Variants in TMEM156 observed in about 807,000 individuals in gnomAD.
TMEM156 encodes transmembrane protein 156.
Under a neutral mutation model 30.5 loss-of-function variants are expected in TMEM156, and 28 were observed. The ratio of observed to expected loss-of-function variants is 0.92; its 90% confidence interval spans 0.68 to 1.26. The LOEUF (loss-of-function observed/expected upper bound fraction) is 1.26. Among genes scored for constraint, TMEM156 ranks in the 50% most tolerant of loss-of-function variants. TMEM156 has a pLI of 0.00. For missense variants in TMEM156, 351 were observed against 340.6 expected (o/e 1.03, Z -0.24); for synonymous variants, 137 against 119.9 (o/e 1.14, Z -0.93).
intron 5 of TMEM156, among the ~76,000 whole-genome samples, chr4:38,971,668 G>T (rs1019474579): frequency 1.3e-5 from 2 of 152,044 alleles, no homozygotes; most frequent in African/African-American, 2.4e-5. Flanking sequence ...ATGACATCTC[G>T]TTCATTCTCC....
intron 1 of TMEM156, among the ~76,000 whole-genome samples, chr4:39,001,193 AC>A (rs1713323151): frequency 7.1e-6 from 1 of 140,568 alleles, no homozygotes. Flanking sequence ...ACACAGTGAA[AC>A]CCCATCTCTA....
chr4:38,992,762 AT>A (rs202114913), intron 3 of TMEM156, among the ~76,000 whole-genome samples: 5,296 of 95,560 alleles, frequency 0.055, 170 homozygotes, highest in Admixed American at 0.14. Flanking sequence ...ATATATATAT[AT>A]TTTTTTTTGT....
chr4:38,986,280 C>T, intron 5 of TMEM156, 56 bp downstream of exon 5: 4 of 1,232,024 alleles, frequency 3.2e-6, no homozygotes, highest in Non-Finnish European at 3.6e-6. Context: ...TGTAGTGAAA[C>T]CATGCAGCTT....
chr4:39,032,301 C>G lies in TMEM156; in HGVS notation c.13G>C (p.Ala5Pro). Residue 5 changes from alanine (A) to proline (P), a missense_variant, in exon 1 of 7, where the codon GCC (alanine) becomes CCC (proline). By Grantham distance (27) the Ala-to-Pro change is conservative. Transcript: ENST00000381938. MTKT[A>P]LLKLFVAIVI... ...ATTGCCACAAATAATTTAAGGAGGG[C>G]TGTTTTTGTCATGTCTCTTCACATG... 1.9e-6 allele frequency: 3 copies of G among 1,606,796 alleles called. No individual in the cohort carries two copies. The highest frequency in any genetic ancestry group is 1.7e-6 in the Non-Finnish European group (2 of 1,175,322).
chr4:38,967,827 C>T (rs1415047595), intron 6 of TMEM156, among the ~76,000 whole-genome samples, 186 bp from the exon 7 acceptor site: 3 of 152,248 alleles, frequency 2.0e-5, no homozygotes, highest in Admixed American at 2.0e-4. Context: ...CCGCCTCAGC[C>T]TCCCAAAGTA....
rs142111433 is a variant in TMEM156, at chr4:39,011,577, C to G, written c.89-12668G>C. On this transcript the variant is annotated intron_variant, in intron 1 of 6. Transcript: ENST00000381938. ...AATCACGAGGTCAGGAGTTCAAGAC[C>G]AGTCTGGCCAAGATGGTGAAACCCC... Among the ~76,000 whole-genome samples the G allele has an allele frequency of 3.7e-3, 567 of 152,194 alleles. 3 individuals are homozygous for G. The highest frequency in any genetic ancestry group is 0.013 in the African/African-American group (551 of 41,532).
chr4:38,999,463 T>C (rs1159510174), intron 1 of TMEM156, among the ~76,000 whole-genome samples: 1 of 120,170 alleles, frequency 8.3e-6, no homozygotes, highest in Non-Finnish European at 1.9e-5. Context: ...AAACCTTAGA[T>C]TCTTCTGAAT....
At chr4:39,022,514 C>T (rs779501612) in intron 1 of TMEM156, among the ~76,000 whole-genome samples, 20 of 152,120 alleles carry the variant, frequency 1.3e-4, no homozygotes, top group Admixed American at 3.3e-4. Flanking sequence ...TTTTCTGCCT[C>T]CAAGGAGTCT....
chr4:39,008,456 G>A (rs1713891728), intron 1 of TMEM156, among the ~76,000 whole-genome samples: 1 of 152,076 alleles, frequency 6.6e-6, no homozygotes, highest in Non-Finnish European at 1.5e-5. Flanking sequence ...TTGCACTCCA[G>A]TAATAAATCT....
chr4:38,992,724 A>ATT (rs1491522429), intron 3 of TMEM156, among the ~76,000 whole-genome samples: 1 of 53,616 alleles, frequency 1.9e-5, no homozygotes, highest in Non-Finnish European at 3.7e-5. Context: ...ATATATATAT[A>ATT]ATATATATAT....
At chr4:38,978,870 C>A (rs1723032345) in intron 5 of TMEM156, among the ~76,000 whole-genome samples, 1 of 152,114 alleles carries the variant, frequency 6.6e-6, no homozygotes, top group African/African-American at 2.4e-5. Flanking sequence ...GCAGCCTTCA[C>A]CTCCCAGGCT....
chr4:38,982,581 G>C (rs1056587159), intron 5 of TMEM156, among the ~76,000 whole-genome samples: 1 of 152,030 alleles, frequency 6.6e-6, no homozygotes, highest in African/African-American at 2.4e-5. Flanking sequence ...CATTTCCCTT[G>C]AGGGTTTGCG....
chr4:38,995,765 GT>G (rs1158847582), intron 2 of TMEM156, among the ~76,000 whole-genome samples: 1 of 152,130 alleles, frequency 6.6e-6, no homozygotes, highest in Non-Finnish European at 1.5e-5. Flanking sequence ...ATCTGGGAAG[GT>G]TTGTGATTTG....
chr4:39,011,463 C>T (rs1353357476), intron 1 of TMEM156, among the ~76,000 whole-genome samples: 2 of 152,156 alleles, frequency 1.3e-5, no homozygotes, highest in Admixed American at 6.5e-5. Context: ...TTTATCACAG[C>T]ACTATTCACA....
intron 5 of TMEM156, among the ~76,000 whole-genome samples, chr4:38,975,379 C>CTTTTTTTTT (rs200919074): frequency 3.2e-5 from 4 of 123,796 alleles, no homozygotes; most frequent in Non-Finnish European, 4.8e-5. Context: ...TTTCTTTTTT[C>CTTTTTTTTT]TTTTCTTTTT....
intron 1 of TMEM156, among the ~76,000 whole-genome samples, chr4:39,012,093 C>T (rs1439382367): frequency 1.3e-5 from 2 of 152,138 alleles, no homozygotes; most frequent in Non-Finnish European, 2.9e-5. Context: ...GCAATGGGAT[C>T]ATTAGAAGCC....
intron 5 of TMEM156, among the ~76,000 whole-genome samples, chr4:38,975,420 TCACC>T: frequency 6.7e-6 from 1 of 149,408 alleles, no homozygotes; most frequent in Non-Finnish European, 1.5e-5. Flanking sequence ...TCTCGCTTTT[TCACC>T]CAAGCTGGAG....
At chr4:38,991,758 G>A (rs62294546) in intron 3 of TMEM156, among the ~76,000 whole-genome samples, 54,242 of 151,742 alleles carry the variant, frequency 0.36, 10,334 homozygotes, top group East Asian at 0.65. Flanking sequence ...ATACAGTTAG[G>A]TGGATATACA....
At chr4:38,972,886 C>A (rs1299512304) in intron 5 of TMEM156, among the ~76,000 whole-genome samples, 2 of 152,056 alleles carry the variant, frequency 1.3e-5, no homozygotes, top group Non-Finnish European at 2.9e-5. Flanking sequence ...GGTCTTTTTT[C>A]TTAGCTTGTG....
Sources: allele counts gnomAD v4.1 joint callset (sites outside exome capture counted in the v4.1 genomes callset), GRCh38; gene constraint gnomAD v4.1.1; transcripts MANE v1.5; gene names NCBI Gene and HGNC (gene_info 2026-07-23, HGNC 2026-07-21).